Variants in SORT1 observed in about 807,000 individuals in gnomAD.
SORT1 encodes sortilin.
SORT1 carries 39 observed loss-of-function variants against 101.7 expected under a neutral mutation model. That is an observed-to-expected ratio of 0.38 (90% confidence interval 0.30 to 0.50). The LOEUF (loss-of-function observed/expected upper bound fraction) is 0.50, where lower values mean the gene tolerates loss of function less well. Among genes scored for constraint, SORT1 ranks in the 20% least tolerant of loss-of-function variants. The pLI, the probability that SORT1 is intolerant of heterozygous loss-of-function variation, is 0.90. For missense variants in SORT1, 878 were observed against 1,040.4 expected (o/e 0.84, Z 2.15); for synonymous variants, 396 against 393.7 (o/e 1.01, Z -0.07).
In SORT1 at chr1:109,314,774, G is replaced by A; in HGVS notation, c.2255C>T (p.Ser752Phe). Residue 752 changes from serine to phenylalanine, a missense_variant, in exon 18 of 20, where the codon TCC becomes TTC. This residue lies in a region of SORT1 where 684 missense variants were observed against 894.5 expected (regional missense o/e 0.76). Coordinates refer to ENST00000256637, the MANE Select transcript of SORT1 (RefSeq NM_002959.7). ...SNFLSPEKQN[S>F]KSNSVPIILA... ...GATAATTGGAACAGAATTTGACTTG[G>A]AATTCTTGAGAAATTAAAACACAAA... 6.3e-7 allele frequency: 1 copy of A among 1,583,922 alleles called. No homozygotes were observed. Among genetic ancestry groups the A allele is most frequent in the South Asian group, 1.1e-5 (1 of 90,324 alleles).
intron 3 of SORT1, among the ~76,000 whole-genome samples, chr1:109,360,528 G>T (rs1235664616): frequency 1.3e-5 from 2 of 148,580 alleles, no homozygotes; most frequent in Non-Finnish European, 3.0e-5. Flanking sequence ...GTAGAGATGG[G>T]TCTCACTATG....
rs1350178133 is a variant in SORT1, at chr1:109,393,405, A to G, written c.306+4182T>C. 24 of 680,146 alleles carry G rather than the reference A, an allele frequency of 3.5e-5. No individual in the cohort carries two copies. The Admixed American group carries it at 1.4e-3, about 41-fold the overall frequency. 42.1% of individuals were successfully genotyped at this position (680,146 alleles called of 1,614,324 possible). On this transcript the variant is annotated intron_variant, in intron 1 of 19. Coordinates refer to ENST00000256637, the MANE Select transcript of SORT1 (RefSeq NM_002959.7). ...AAATGGTCTGTACACAGGAATGAGA[A>G]GTAAGGAAATTATGTCAGCCACCAC...
chr1:109,336,967 G>C (rs866144062), intron 10 of SORT1, among the ~76,000 whole-genome samples: 2 of 152,032 alleles, frequency 1.3e-5, no homozygotes, highest in Non-Finnish European at 2.9e-5. Flanking sequence ...TTCCCTGTTT[G>C]CTTGCCTGGG....
intron 1 of SORT1, among the ~76,000 whole-genome samples, chr1:109,376,250 G>C (rs1191059943): frequency 6.7e-6 from 1 of 149,834 alleles, no homozygotes; most frequent in Admixed American, 6.7e-5. Context: ...AGAATGGCGT[G>C]AACCCGGGAG....
At chr1:109,386,542 A>C (rs1283164741) in intron 1 of SORT1, among the ~76,000 whole-genome samples, 2 of 152,180 alleles carry the variant, frequency 1.3e-5, no homozygotes, top group African/African-American at 2.4e-5. Context: ...GGAAGTGGTG[A>C]AATAGTAGGT....
chr1:109,343,519 C>A (rs1455663690), intron 8 of SORT1, among the ~76,000 whole-genome samples: 2 of 152,210 alleles, frequency 1.3e-5, no homozygotes, highest in Non-Finnish European at 2.9e-5. Context: ...TACCTACTTA[C>A]TCCTCCAGAA....
At chr1:109,368,731 G>GT (rs1557815303) in intron 2 of SORT1, 1 of 152,362 alleles carries the variant, frequency 6.6e-6, no homozygotes, top group Non-Finnish European at 1.5e-5. Flanking sequence ...AATCCTGGCA[G>GT]TACCTCCTTT....
chr1:109,376,544 C>T (rs893865899), intron 1 of SORT1, among the ~76,000 whole-genome samples: 3 of 139,778 alleles, frequency 2.1e-5, no homozygotes, highest in African/African-American at 7.8e-5. Context: ...TCTATATACA[C>T]CATGTAATAC....
chr1:109,338,173 T>C (rs2101574939), intron 10 of SORT1, among the ~76,000 whole-genome samples: 1 of 152,230 alleles, frequency 6.6e-6, no homozygotes, highest in African/African-American at 2.4e-5. Context: ...ATTCAAAAAG[T>C]AATACATGAG....
chr1:109,314,224 G>GC (rs750694775), intron 19 of SORT1, 37 bp downstream of exon 19: 3 of 1,479,650 alleles, frequency 2.0e-6, no homozygotes, highest in African/African-American at 1.4e-5. Flanking sequence ...ATTTTTTGGG[G>GC]GGGGGGGTAC....
chr1:109,324,052 T>C (rs1198130694), intron 14 of SORT1, among the ~76,000 whole-genome samples: 4 of 152,256 alleles, frequency 2.6e-5, no homozygotes, highest in Admixed American at 6.5e-5. Context: ...CTAGAGTGTC[T>C]AGAAACGTTA....
At chr1:109,356,244 G>A (rs1469784305) in intron 3 of SORT1, among the ~76,000 whole-genome samples, 1 of 152,164 alleles carries the variant, frequency 6.6e-6, no homozygotes, top group Non-Finnish European at 1.5e-5. Context: ...GGCCAGCGAT[G>A]TTGCCAAACA....
chr1:109,326,517 A>G (rs1648072948), intron 13 of SORT1, among the ~76,000 whole-genome samples: 1 of 103,574 alleles, frequency 9.7e-6, no homozygotes, highest in African/African-American at 4.0e-5. Context: ...ACACATACAC[A>G]TATATATACA....
rs1445244204 is a variant in SORT1, at chr1:109,320,956, T to C, written c.2024+1976A>G. Among the ~76,000 whole-genome samples the C allele has an allele frequency of 3.3e-5, 5 of 152,270 alleles. No homozygotes were observed. The East Asian group carries it at 5.8e-4, about 18-fold the overall frequency. ...TTTTTGTGAGTACCCTTCTCACTCATAAAGGACCCACTTCCCAAACATGTG... is the reference window on the plus strand; with the variant it reads ...TTTTTGTGAGTACCCTTCTCACTCACAAAGGACCCACTTCCCAAACATGTG... On this transcript the variant is annotated intron_variant, in intron 15 of 19. Transcript: ENST00000256637.
At chr1:109,323,629 T>C (rs1013192809) in intron 14 of SORT1, among the ~76,000 whole-genome samples, 1 of 152,246 alleles carries the variant, frequency 6.6e-6, no homozygotes, top group African/African-American at 2.4e-5. Context: ...TCTAGCTCAG[T>C]TGACCGGCTC....
chr1:109,386,793 G>A (rs746818770), intron 1 of SORT1, among the ~76,000 whole-genome samples: 2 of 152,168 alleles, frequency 1.3e-5, no homozygotes, highest in South Asian at 2.1e-4. Context: ...TTCCTAAGAA[G>A]TACCTATCAC....
chr1:109,363,116 AATAAAATAG>A (rs1442897960), intron 3 of SORT1, among the ~76,000 whole-genome samples: 1 of 152,238 alleles, frequency 6.6e-6, no homozygotes, highest in African/African-American at 2.4e-5. Context: ...AAACACCAGG[AATAAAATAG>A]CCCAGCAGTC....
Position 109,379,700 on chromosome 1 carries a change from T to A in SORT1, c.307-10111A>T, listed in dbSNP as rs191547851. On this transcript the variant is annotated intron_variant, in intron 1 of 19. Coordinates refer to ENST00000256637, the MANE Select transcript of SORT1 (RefSeq NM_002959.7). Reference sequence around the variant, plus strand: ...TGATTCTACCAGGAGCAGATGAGCATGAAATTATTGCCACTTTTGGAAAAA... The same window carrying A: ...TGATTCTACCAGGAGCAGATGAGCAAGAAATTATTGCCACTTTTGGAAAAA... Among the ~76,000 whole-genome samples, 3 of 152,270 alleles carry A rather than the reference T, an allele frequency of 2.0e-5. No homozygotes were observed. In the East Asian group the frequency reaches 5.8e-4, roughly 29 times the overall value.
intron 1 of SORT1, among the ~76,000 whole-genome samples, chr1:109,386,879 A>C (rs1652602502): frequency 6.6e-6 from 1 of 152,250 alleles, no homozygotes; most frequent in African/African-American, 2.4e-5. Context: ...AGTTAAAGAA[A>C]GGGGTGAAAT....
Sources: allele counts gnomAD v4.1 joint callset (sites outside exome capture counted in the v4.1 genomes callset), GRCh38; gene constraint gnomAD v4.1.1; regional missense constraint gnomAD v4.1.1; transcripts MANE v1.5; gene names NCBI Gene and HGNC (gene_info 2026-07-23, HGNC 2026-07-21).